Variants in ELF1 observed in about 807,000 individuals in gnomAD.
The protein encoded by ELF1 is ETS-related transcription factor Elf-1.
A neutral mutation model predicts 59.9 loss-of-function variants in ELF1; 24 were observed. That is an observed-to-expected ratio of 0.40 (90% CI 0.29 to 0.56). The LOEUF (loss-of-function observed/expected upper bound fraction) is 0.56. Among genes scored for constraint, ELF1 ranks in the 20% least tolerant of loss-of-function variants. ELF1 has a pLI of 0.44. For missense variants in ELF1, 627 were observed against 742.2 expected, an observed-to-expected ratio of 0.84 and a Z score of 1.80; for synonymous variants, 248 against 266.2, an observed-to-expected ratio of 0.93 and a Z score of 0.67.
At chr13:40,993,322 C>A in intron 1 of ELF1, 1 of 1,469,872 alleles carries the variant, frequency 6.8e-7, no homozygotes, top group Non-Finnish European at 9.5e-7. Flanking sequence ...GGACTGCTGC[C>A]TTTTTCACAT....
At chr13:41,047,726 G>A (rs941818835) in intron 1 of ELF1, among the ~76,000 whole-genome samples, 3 of 152,246 alleles carry the variant, frequency 2.0e-5, no homozygotes, top group African/African-American at 7.2e-5. Flanking sequence ...TTGGGGGTCA[G>A]GGACCCACTT....
chr13:41,032,584 GCA>G (rs2138409327), intron 1 of ELF1, among the ~76,000 whole-genome samples: 1 of 152,004 alleles, frequency 6.6e-6, no homozygotes, highest in East Asian at 1.9e-4. Context: ...ACAGGGCCGG[GCA>G]CAGTGTCTCA....
chr13:40,945,451 C>T (rs1315421257), intron 5 of ELF1, among the ~76,000 whole-genome samples: 1 of 152,078 alleles, frequency 6.6e-6, no homozygotes, highest in Non-Finnish European at 1.5e-5. Flanking sequence ...AAAAAAAAAT[C>T]AATCCTCTTG....
At chr13:41,003,698 A>C (rs922432337) in intron 1 of ELF1, among the ~76,000 whole-genome samples, 1 of 152,216 alleles carries the variant, frequency 6.6e-6, no homozygotes, top group African/African-American at 2.4e-5. Context: ...TGGAGATATC[A>C]GGACCACAAT....
At chr13:40,958,208 C>G (rs912793307) in intron 3 of ELF1, among the ~76,000 whole-genome samples, 1 of 152,182 alleles carries the variant, frequency 6.6e-6, no homozygotes, top group African/African-American at 2.4e-5. Context: ...GCCTAATCTT[C>G]AAGTTTAAAA....
chr13:41,021,596 T>C (rs1875692575), upstream of ELF1, among the ~76,000 whole-genome samples: 1 of 152,222 alleles, frequency 6.6e-6, no homozygotes, highest in African/African-American at 2.4e-5. Context: ...TATGTAATCT[T>C]GGGCAATTAC....
At chr13:40,953,767 C>T (rs905929158) in intron 3 of ELF1, among the ~76,000 whole-genome samples, 2 of 152,092 alleles carry the variant, frequency 1.3e-5, no homozygotes, top group South Asian at 2.1e-4. Context: ...TGTGGAATAA[C>T]GAAGATTACA....
At position 40,933,565 on chromosome 13, in the gene ELF1, A is replaced by G; in HGVS notation, c.1720T>C (p.Ser574Pro). The G allele has an allele frequency of 3.7e-6, 6 of 1,614,226 alleles. No homozygotes were observed. The highest frequency in any genetic ancestry group is 5.1e-6 in the Non-Finnish European group (6 of 1,180,044). The change falls in exon 9 of 9, where the codon TCT (serine) becomes CCT (proline). Residue 574 changes from serine (S) to proline (P), a missense_variant. Ser to Pro is a moderately conservative substitution (Grantham distance 74). Coordinates refer to ENST00000239882, the MANE Select transcript of ELF1 (RefSeq NM_172373.4). ...TLTQEVEKKESEDHLKENTEK... is the reference protein window; with the variant it reads ...TLTQEVEKKEPEDHLKENTEK... ...GTGTTCTCTTTCAAATGATCTTCAG[A>G]TTCCTTTTTCTCTACTTCCTGTGTA...
chr13:41,037,490 T>C (rs1004342197), intron 1 of ELF1, among the ~76,000 whole-genome samples: 17 of 152,198 alleles, frequency 1.1e-4, no homozygotes, highest in Admixed American at 9.8e-4. Context: ...CTCAAAAATA[T>C]TTTGAACTTT....
chr13:41,017,986 A>G (rs771635739), intron 1 of ELF1, among the ~76,000 whole-genome samples: 11 of 152,196 alleles, frequency 7.2e-5, no homozygotes, highest in Non-Finnish European at 1.2e-4. Flanking sequence ...AGATCTGTTA[A>G]TATCAACAAT....
At chr13:40,967,243 C>T (rs930152573) in intron 2 of ELF1, among the ~76,000 whole-genome samples, 2 of 152,184 alleles carry the variant, frequency 1.3e-5, no homozygotes, top group Non-Finnish European at 2.9e-5. Context: ...TCTGACAGTA[C>T]CTTACCATGC....
downstream of ELF1, chr13:40,931,922 A>G (rs566861501): frequency 4.6e-5 from 7 of 152,254 alleles, no homozygotes; most frequent in African/African-American, 7.2e-5. Flanking sequence ...GATATTCTGC[A>G]ATTCTGACTA....
chr13:40,968,755 C>T (rs566387732), intron 2 of ELF1, among the ~76,000 whole-genome samples: 5 of 149,886 alleles, frequency 3.3e-5, no homozygotes, highest in East Asian at 3.9e-4. Context: ...GGTCTTGCTC[C>T]GTTGCCCAGG....
At chr13:40,965,824 C>T (rs556966197) in intron 2 of ELF1, among the ~76,000 whole-genome samples, 1 of 152,210 alleles carries the variant, frequency 6.6e-6, no homozygotes, top group African/African-American at 2.4e-5. Context: ...TCTACTGGTG[C>T]TTATCAATTT....
At chr13:40,954,342 G>C (rs190081565) in intron 3 of ELF1, among the ~76,000 whole-genome samples, 1 of 152,240 alleles carries the variant, frequency 6.6e-6, no homozygotes, top group East Asian at 1.9e-4. Context: ...TGACCGGATC[G>C]TGGAGATGGA....
Position 40,940,956 on chromosome 13 carries a change from C to G in ELF1, c.1221G>C (p.Gln407His), listed in dbSNP as rs1322269026. 6.2e-7 allele frequency: 1 copy of G among 1,613,880 alleles called. No individual in the cohort carries two copies. ...EGEAARTSTM[Q>H]DETLNSSVQS... Reference sequence around the variant, plus strand: ...GAACGGAAGAATTTAATGTTTCATCCTGCATGGTACTGGTTCTAGCTGCTT... The same window carrying G: ...GAACGGAAGAATTTAATGTTTCATCGTGCATGGTACTGGTTCTAGCTGCTT... The change falls in exon 8 of 9, where the codon CAG becomes CAC. Residue 407 changes from glutamine to histidine, a missense_variant. Gln to His is a conservative substitution (Grantham distance 24). Around this residue, in one of 3 missense-constraint regions of ELF1, gnomAD observed 361 missense variants for 396.1 expected, o/e 0.91. Transcript: ENST00000239882.
At position 40,933,990 on chromosome 13, in the gene ELF1, G is replaced by C. The variant is rs368042351; in HGVS notation, c.1295C>G (p.Ser432Cys). The C allele has an allele frequency of 2.5e-6, 4 of 1,614,000 alleles. No homozygotes were observed. Among genetic ancestry groups the C allele is most frequent in the South Asian group, 1.1e-5 (1 of 91,084 alleles). The change falls in exon 9 of 9, where the codon TCT becomes TGT. Residue 432 changes from serine (S) to cysteine (C), a missense_variant. Transcript: ENST00000239882. ...TGTATGCAACTGCTGATTCCTAGGA[G>C]ACACAACCACTGGAACTTGGGTTGG... is the stretch of plus-strand genomic sequence containing the variant. ...QAPTQVPVVV[S>C]PRNQQLHTVT...
At chr13:41,048,064 G>C (rs377714679) in intron 1 of ELF1, among the ~76,000 whole-genome samples, 1 of 152,230 alleles carries the variant, frequency 6.6e-6, no homozygotes, top group Non-Finnish European at 1.5e-5. Flanking sequence ...GTGGGCATGA[G>C]GCCCTCCAAG....
At chr13:40,975,340 T>C (rs1872838257) in intron 2 of ELF1, among the ~76,000 whole-genome samples, 1 of 151,944 alleles carries the variant, frequency 6.6e-6, no homozygotes, top group South Asian at 2.1e-4. Flanking sequence ...AAATAGCATA[T>C]AAGGAAAAAG....
Sources: allele counts gnomAD v4.1 joint callset (sites outside exome capture counted in the v4.1 genomes callset), GRCh38; gene constraint gnomAD v4.1.1; regional missense constraint gnomAD v4.1.1; transcripts MANE v1.5; gene names NCBI Gene and HGNC (gene_info 2026-07-23, HGNC 2026-07-21).